MEIKIN: variants seen among roughly 807,000 people sequenced by gnomAD.
MEIKIN encodes meiosis-specific kinetochore protein.
At chr5:131,875,721 A>G (rs1337580626) in intron 9 of MEIKIN, among the ~76,000 whole-genome samples, 2 of 152,208 alleles carry the variant, frequency 1.3e-5, no homozygotes, top group African/African-American at 4.8e-5. Context: ...AGCTGGAGGG[A>G]TCATGCTACC....
At chr5:131,824,319 A>T (rs1749572038) in intron 11 of MEIKIN, among the ~76,000 whole-genome samples, 1 of 151,986 alleles carries the variant, frequency 6.6e-6, no homozygotes, top group African/African-American at 2.4e-5. Flanking sequence ...GTTCAAGACC[A>T]GCCTAGGCAG....
At chr5:131,918,977 C>T (rs183833309) in intron 6 of MEIKIN, among the ~76,000 whole-genome samples, 55 of 151,858 alleles carry the variant, frequency 3.6e-4, no homozygotes, top group Non-Finnish European at 6.8e-4. Flanking sequence ...AAACATAAAC[C>T]CAGTATGAAT....
intron 6 of MEIKIN, among the ~76,000 whole-genome samples, chr5:131,919,968 TA>T (rs1368461832): frequency 1.2e-4 from 18 of 152,202 alleles, no homozygotes; most frequent in Non-Finnish European, 2.5e-4. Flanking sequence ...TAGCTATACA[TA>T]TTACAAGTGA....
intron 8 of MEIKIN, among the ~76,000 whole-genome samples, chr5:131,898,653 A>G (rs1047804153): frequency 3.9e-5 from 6 of 152,220 alleles, no homozygotes; most frequent in African/African-American, 4.8e-5. Flanking sequence ...TCCCCATGCC[A>G]GGCTCCACCC....
chr5:131,937,041 G>C (rs1751791444), intron 4 of MEIKIN, among the ~76,000 whole-genome samples: 1 of 151,920 alleles, frequency 6.6e-6, no homozygotes, highest in South Asian at 2.1e-4. Flanking sequence ...TGGACTGTTT[G>C]TCCTCTATGC....
At chr5:131,858,543 A>G (rs1750233892) in intron 9 of MEIKIN, among the ~76,000 whole-genome samples, 3 of 152,254 alleles carry the variant, frequency 2.0e-5, no homozygotes, top group African/African-American at 7.2e-5. Context: ...CATGAGGAAG[A>G]TGCCAAAAGC....
In MEIKIN at chr5:131,933,571, G is replaced by C. The variant is rs1427917902; in HGVS notation, c.420C>G (p.Tyr140Ter). 2.5e-6 allele frequency: 1 copy of C among 398,696 alleles called. No homozygotes were observed. The highest frequency in any genetic ancestry group is 4.4e-6 in the Non-Finnish European group (1 of 225,976). The allele number at this position is 398,696 out of a possible 1,614,324, so 24.7% of individuals were successfully genotyped here. Reference protein sequence around the residue: ...SYSVTDSYAEYKSFEESFPSP... With the variant: ...SYSVTDSYAE Reference sequence around the variant, plus strand: ...ATGGAAAGCTCTCTTCAAAACTCTTGTATTCTGCATAAGAGTCTGTGACTG... The same window carrying C: ...ATGGAAAGCTCTCTTCAAAACTCTTCTATTCTGCATAAGAGTCTGTGACTG... Residue 140 changes from tyrosine (Y) to a stop codon, truncating the protein, a stop_gained, in exon 5 of 13, where the codon TAC becomes TAG. Transcript: ENST00000442687. LOFTEE classifies it high-confidence loss of function.
At chr5:131,878,876 T>TAA (rs34025279) in intron 9 of MEIKIN, 102 bp downstream of exon 9, 629 of 315,186 alleles carry the variant, frequency 2.0e-3, no homozygotes, top group East Asian at 7.8e-3. Flanking sequence ...CCCCATTTCT[T>TAA]AAAAAAAAAA....
chr5:131,943,889 G>A (rs1037750934), intron 3 of MEIKIN, among the ~76,000 whole-genome samples: 2 of 152,072 alleles, frequency 1.3e-5, no homozygotes, highest in Non-Finnish European at 2.9e-5. Context: ...AGGCCGTGGC[G>A]AGCAGATCAC....
intron 8 of MEIKIN, among the ~76,000 whole-genome samples, chr5:131,880,264 A>AT (rs67579794): frequency 0.63 from 87,319 of 138,266 alleles, 28,914 homozygotes; most frequent in Non-Finnish European, 0.76. Context: ...TAATTTTTGT[A>AT]TTTTTTTTTT....
At chr5:131,897,850 C>T (rs1751080571) in intron 8 of MEIKIN, among the ~76,000 whole-genome samples, 1 of 152,080 alleles carries the variant, frequency 6.6e-6, no homozygotes, top group Non-Finnish European at 1.5e-5. Flanking sequence ...TTAGAACATG[C>T]TCCTTTAGCT....
intron 9 of MEIKIN, among the ~76,000 whole-genome samples, chr5:131,865,186 G>T (rs986104280): frequency 6.7e-6 from 1 of 148,438 alleles, no homozygotes; most frequent in African/African-American, 2.5e-5. Context: ...AGCTTCTTTA[G>T]TATCAAAATT....
Position 131,872,711 on chromosome 5 carries a change from G to C in MEIKIN, c.774+6267C>G, listed in dbSNP as rs1319508909. 2.6e-5 allele frequency among the ~76,000 whole-genome samples: 4 copies of C among 151,908 alleles called. No individual in the cohort carries two copies. The East Asian group carries it at 7.7e-4, about 29-fold the overall frequency. On this transcript the variant is annotated intron_variant, in intron 9 of 12. Transcript: ENST00000442687. ...CACATAATTGTCAGATTCACCAAGG[G>C]TGAAATGAAGGAAAAAATGTTAAGG...
At chr5:131,863,440 C>A (rs1750323013) in intron 9 of MEIKIN, among the ~76,000 whole-genome samples, 1 of 151,454 alleles carries the variant, frequency 6.6e-6, no homozygotes, top group African/African-American at 2.4e-5. Flanking sequence ...CTCTTTAGAT[C>A]TAGCAATATT....
intron 9 of MEIKIN, among the ~76,000 whole-genome samples, chr5:131,868,709 T>C (rs1223505403): frequency 1.3e-5 from 2 of 150,382 alleles, no homozygotes; most frequent in Non-Finnish European, 3.0e-5. Context: ...ACAGGGATTC[T>C]GTCTCTACAA....
At chr5:131,934,002 G>T (rs1561759286) in intron 4 of MEIKIN, among the ~76,000 whole-genome samples, 1 of 151,916 alleles carries the variant, frequency 6.6e-6, no homozygotes, top group African/African-American at 2.4e-5. Flanking sequence ...GTGGAGTGCA[G>T]TAGCACGATT....
chr5:131,827,937 A>G (rs185455834), intron 11 of MEIKIN, among the ~76,000 whole-genome samples: 2 of 151,994 alleles, frequency 1.3e-5, no homozygotes, highest in Admixed American at 1.3e-4. Context: ...GGTCCCAGCT[A>G]CTCAGGACGG....
chr5:131,886,171 T>C (rs910198423), intron 8 of MEIKIN, among the ~76,000 whole-genome samples: 7 of 151,822 alleles, frequency 4.6e-5, no homozygotes, highest in East Asian at 1.9e-4. Flanking sequence ...ATCTAGAAAA[T>C]AGCTTCGAAA....
chr5:131,876,278 T>C (rs10055854), intron 9 of MEIKIN, among the ~76,000 whole-genome samples: 109,338 of 150,772 alleles, frequency 0.73, 40,076 homozygotes, highest in Non-Finnish European at 0.8. Context: ...GAATCTACAA[T>C]GAACTCAAAC....
Sources: gnomAD v4.1 joint callset for allele counts (sites outside exome capture counted in the v4.1 genomes callset) on GRCh38, gnomAD v4.1.1 for gene constraint, MANE v1.5 for transcripts, NCBI Gene and HGNC (gene_info 2026-07-23, HGNC 2026-07-21) for gene names.